PDE8B: variants seen among roughly 807,000 people sequenced by gnomAD.
The protein encoded by PDE8B is phosphodiesterase 8B.
Under a neutral mutation model 101.3 loss-of-function variants are expected in PDE8B, and 26 were observed. The ratio of observed to expected loss-of-function variants is 0.26; its 90% CI spans 0.19 to 0.36. The LOEUF (loss-of-function observed/expected upper bound fraction) is 0.36. Among genes scored for constraint, PDE8B ranks in the 10% least tolerant of loss-of-function variants. The pLI is 1.00. For synonymous variants in PDE8B, 424 were observed against 429.3 expected, an observed-to-expected ratio of 0.99 and a Z score of 0.15; for missense variants, 810 against 1,163.1, an observed-to-expected ratio of 0.70 and a Z score of 4.42.
rs143839124 is a variant in PDE8B, at chr5:77,238,309, T to A, written c.339+27045T>A. On this transcript the variant is annotated intron_variant, in intron 1 of 21. Transcript: ENST00000264917. The stretch of plus-strand genomic sequence containing the variant: ...AGATTGGATAATTTGTATTGAATCA[T>A]GTGCAAAGTTCACTGATTCTTTTCT... 2.6e-5 allele frequency among the ~76,000 whole-genome samples: 4 copies of A among 152,294 alleles called. No individual in the cohort carries two copies. In the East Asian group the frequency reaches 5.8e-4, roughly 22 times the overall value.
intron 6 of PDE8B, 117 bp from the exon 7 acceptor site, chr5:77,344,736 A>G (rs1779848468): frequency 1.3e-6 from 1 of 780,680 alleles, no homozygotes; most frequent in Non-Finnish European, 2.4e-6. Context: ...AGACCATGGC[A>G]ATAACAAAAA....
chr5:77,213,524 A>C (rs1330263232), intron 1 of PDE8B, among the ~76,000 whole-genome samples: 1 of 152,162 alleles, frequency 6.6e-6, no homozygotes, highest in African/African-American at 2.4e-5. Flanking sequence ...TTTGTTGCTG[A>C]GATAATTTTA....
intron 1 of PDE8B, among the ~76,000 whole-genome samples, chr5:77,228,003 C>T (rs1204324253): frequency 1.3e-5 from 2 of 152,178 alleles, no homozygotes; most frequent in Non-Finnish European, 2.9e-5. Flanking sequence ...AGGCACAGCT[C>T]ATCTGGGTCC....
At chr5:77,393,164 A>AG (rs1160709496) in intron 10 of PDE8B, among the ~76,000 whole-genome samples, 4 of 152,140 alleles carry the variant, frequency 2.6e-5, no homozygotes, top group African/African-American at 9.7e-5. Flanking sequence ...GAGGCTGAAG[A>AG]GGGCAGATTG....
In PDE8B at chr5:77,210,716, C is replaced by A; in HGVS notation, c.-210C>A. 2 of 980,838 alleles carry A rather than the reference C, an allele frequency of 2.0e-6. No individual in the cohort carries two copies. The highest frequency in any genetic ancestry group is 2.4e-6 in the Non-Finnish European group (2 of 828,046). 60.8% of individuals were successfully genotyped at this position (980,838 alleles called of 1,614,324 possible). A position where few individuals can be genotyped will look rare whatever the true frequency, so the allele number is the denominator to read the frequency against. On this transcript the variant is annotated 5_prime_UTR_variant, in exon 1 of 22. Coordinates refer to ENST00000264917, the MANE Select transcript of PDE8B (RefSeq NM_003719.5). The surrounding 1 kb of genome is among the most constrained non-coding windows in gnomAD (Gnocchi z 4.9). ...CTCCCCCGCTCGGGGAGGAAGATGG[C>A]CCAAAAGGGAAAGTTGGGGTGACGC...
chr5:77,257,126 C>G (rs1018402337), intron 1 of PDE8B, among the ~76,000 whole-genome samples: 9 of 151,688 alleles, frequency 5.9e-5, no homozygotes, highest in African/African-American at 1.9e-4. Flanking sequence ...TTAGTACATC[C>G]AAAAGAAAAC....
the PDE8B span, among the ~76,000 whole-genome samples, chr5:77,181,227 G>A: frequency 6.0e-3 from 916 of 152,236 alleles, 6 homozygotes; most frequent in Non-Finnish European, 9.1e-3. Context: ...GCAAAGCAAA[G>A]GAAGAGCTGG....
intron 12 of PDE8B, among the ~76,000 whole-genome samples, chr5:77,405,111 G>A (rs1793154878): frequency 6.6e-6 from 1 of 152,222 alleles, no homozygotes; most frequent in Non-Finnish European, 1.5e-5. Context: ...GGTGCTAGAG[G>A]CAGAGAGGCA....
intron 10 of PDE8B, among the ~76,000 whole-genome samples, chr5:77,384,001 T>G (rs1426515629): frequency 1.3e-5 from 2 of 152,156 alleles, no homozygotes; most frequent in South Asian, 2.1e-4. Flanking sequence ...AAAGTAGTGT[T>G]TTTTCCAATT....
At chr5:77,352,093 G>A (rs749686270) in intron 9 of PDE8B, among the ~76,000 whole-genome samples, 1 of 152,154 alleles carries the variant, frequency 6.6e-6, no homozygotes, top group Non-Finnish European at 1.5e-5. Context: ...ATGCCATTTT[G>A]TAATTTGAAG....
the PDE8B span, among the ~76,000 whole-genome samples, chr5:77,121,494 A>G: frequency 2.0e-5 from 3 of 148,526 alleles, no homozygotes; most frequent in Non-Finnish European, 3.0e-5. Flanking sequence ...CTCAAGGAGA[A>G]GGGAATTAGG....
chr5:77,201,634 T>G, the PDE8B span, among the ~76,000 whole-genome samples: 24 of 152,168 alleles, frequency 1.6e-4, no homozygotes, highest in African/African-American at 5.6e-4. Context: ...GTCCTAGACA[T>G]CTAACCTGGA....
At chr5:77,219,618 A>C (rs1750644190) in intron 1 of PDE8B, among the ~76,000 whole-genome samples, 1 of 152,190 alleles carries the variant, frequency 6.6e-6, no homozygotes, top group South Asian at 2.1e-4. Context: ...AAATGGAGAG[A>C]CAAATACATT....
At chr5:77,329,410 A>T (rs1211899572) in intron 4 of PDE8B, among the ~76,000 whole-genome samples, 1 of 152,038 alleles carries the variant, frequency 6.6e-6, no homozygotes, top group Non-Finnish European at 1.5e-5. Flanking sequence ...AGAGATGGGG[A>T]TATGCTTGTT....
Position 77,425,891 on chromosome 5 carries a change from G to C in PDE8B, c.2543G>C (p.Trp848Ser). 6.2e-7 allele frequency: 1 copy of C among 1,613,488 alleles called. No homozygotes were observed. Among genetic ancestry groups the C allele is most frequent in the Non-Finnish European group, 8.5e-7 (1 of 1,179,526 alleles). Reference protein sequence around the residue: ...DYFITDMFDAWDAFAHLPALM... With the variant: ...DYFITDMFDASDAFAHLPALM... ...TTCATAACAGACATGTTTGATGCTTGGGATGGTAAGACAGTTACTGTTTTG... is the reference window on the plus strand; with the variant it reads ...TTCATAACAGACATGTTTGATGCTTCGGATGGTAAGACAGTTACTGTTTTG... Residue 848 changes from tryptophan to serine, a missense_variant, in exon 21 of 22, where the codon TGG becomes TCG. By Grantham distance (177) the Trp-to-Ser change is radical. Around this residue, in one of 4 missense-constraint regions of PDE8B, gnomAD observed 325 missense variants for 560.9 expected, o/e 0.58. Transcript: ENST00000264917.
chr5:77,212,377 A>G (rs1238287717), intron 1 of PDE8B, among the ~76,000 whole-genome samples: 2 of 152,228 alleles, frequency 1.3e-5, no homozygotes, highest in African/African-American at 2.4e-5. Context: ...GGCAGCCCAC[A>G]GTGGAGGAGT....
chr5:77,296,265 C>G (rs1243219966), intron 1 of PDE8B, among the ~76,000 whole-genome samples: 1 of 150,256 alleles, frequency 6.7e-6, no homozygotes, highest in Non-Finnish European at 1.5e-5. Context: ...TCTCCTTCTT[C>G]TTCTTTCTTC....
intron 1 of PDE8B, among the ~76,000 whole-genome samples, chr5:77,284,935 A>T (rs949916158): frequency 6.6e-6 from 1 of 152,274 alleles, no homozygotes; most frequent in Non-Finnish European, 1.5e-5. Flanking sequence ...ATTCTTGGAC[A>T]TATCTTTTGG....
the PDE8B span, among the ~76,000 whole-genome samples, chr5:77,130,085 C>A: frequency 6.6e-6 from 1 of 152,048 alleles, no homozygotes; most frequent in South Asian, 2.1e-4. Flanking sequence ...CCTATATAGA[C>A]CTCTGGATTT....
Sources: gnomAD v4.1 joint callset for allele counts (sites outside exome capture counted in the v4.1 genomes callset) on GRCh38, gnomAD v4.1.1 for gene constraint, gnomAD v4.1.1 regional missense constraint, Gnocchi (gnomAD v3.1) non-coding constraint, MANE v1.5 for transcripts, NCBI Gene and HGNC (gene_info 2026-07-23, HGNC 2026-07-21) for gene names.